The following CD2BP2 variants were observed in gnomAD, a reference collection of about 807,000 sequenced individuals.
CD2BP2 encodes CD2 antigen cytoplasmic tail-binding protein 2.
A neutral mutation model predicts 35.9 loss-of-function variants in CD2BP2; 27 were observed. That is an observed-to-expected ratio of 0.75 (90% CI 0.55 to 1.04). CD2BP2 has a LOEUF of 1.04. Among genes scored for constraint, CD2BP2 ranks in the 50% least tolerant of loss-of-function variants. The pLI is 0.00. For synonymous variants in CD2BP2, 213 were observed against 173.5 expected, an observed-to-expected ratio of 1.23 and a Z score of -1.79; for missense variants, 497 against 444.3, an observed-to-expected ratio of 1.12 and a Z score of -1.07.
intron 1 of CD2BP2, 81 bp from the exon 2 acceptor site, chr16:30,354,788 G>A (rs540718577): frequency 1.0e-6 from 1 of 998,530 alleles, no homozygotes; most frequent in Admixed American, 1.7e-5. Context: ...ATTTTTCCTG[G>A]TCTGTGACAG....
Position 30,352,793 on chromosome 16 carries a change from G to A in CD2BP2, c.*192C>T, listed in dbSNP as rs1261103785. 3 of 597,278 alleles carry A rather than the reference G, an allele frequency of 5.0e-6. No individual in the cohort carries two copies. The highest frequency in any genetic ancestry group is 8.9e-6 in the Non-Finnish European group (3 of 335,264). The allele number at this position is 597,278 out of a possible 1,614,324, so 37.0% of individuals were successfully genotyped here. A position where few individuals can be genotyped will look rare whatever the true frequency, so the allele number is the denominator to read the frequency against. On this transcript the variant is annotated 3_prime_UTR_variant, in exon 7 of 7. Transcript: ENST00000305596. ...ACTCAGGGACCAAGACAAGTCCAAA[G>A]GGACTGTGGAGAAGGCCCCTGGCTT...
Position 30,353,774 on chromosome 16 carries a change from G to C in CD2BP2, c.402C>G (p.Gly134=). 6.2e-7 allele frequency: 1 copy of C among 1,603,638 alleles called. No homozygotes were observed. The highest frequency in any genetic ancestry group is 8.5e-7 in the Non-Finnish European group (1 of 1,174,968). ...DWVKIRERPP[G]QRQASDSEEE... ...CCTCCGAGTCTGAGGCCTGGCGCTG[G>C]CCAGGTGGCCGCTCCCGGATCTTCA... The change falls in exon 5 of 7, where the codon GGC becomes GGG. Residue 134 remains glycine (G), a synonymous_variant. Coordinates refer to ENST00000305596, the MANE Select transcript of CD2BP2 (RefSeq NM_006110.3).
Position 30,352,996 on chromosome 16 carries a change from G to A in CD2BP2, c.1015C>T (p.Leu339Phe). 1 of 1,610,960 alleles carries A rather than the reference G, an allele frequency of 6.2e-7. No homozygotes were observed. The highest frequency in any genetic ancestry group is 8.5e-7 in the Non-Finnish European group (1 of 1,177,144). The change falls in exon 7 of 7, where the codon CTC (leucine) becomes TTC (phenylalanine). Residue 339 changes from leucine (L) to phenylalanine (F), a missense_variant. By Grantham distance (22) the Leu-to-Phe change is conservative. Transcript: ENST00000305596. ...GGCCCCCAGCAGGCTCAGGTGTAGAGGTCAAAGTCAATGCGTTTGGAGTTG... is the reference window on the plus strand; with the variant it reads ...GGCCCCCAGCAGGCTCAGGTGTAGAAGTCAAAGTCAATGCGTTTGGAGTTG... ...FYNSKRIDFD[L>F]YT
rs776922285 is a variant in CD2BP2, at chr16:30,353,566, C to G, written c.610G>C (p.Gly204Arg). ...CGGGCCACCATCTGGTCGGCCAACC[C>G]GGAGAGCCGGTCCAGGCGCTGAGGG... ...SSPQRLDRLSGLADQMVARGN... is the reference protein window; with the variant it reads ...SSPQRLDRLSRLADQMVARGN... Residue 204 changes from glycine to arginine, a missense_variant, in exon 5 of 7, where the codon GGG becomes CGG. Transcript: ENST00000305596. 14 of 1,614,174 alleles carry G rather than the reference C, an allele frequency of 8.7e-6. No homozygotes were observed. The highest frequency in any genetic ancestry group is 1.2e-5 in the Non-Finnish European group (14 of 1,180,008).
At position 30,354,596 on chromosome 16, in the gene CD2BP2, C is replaced by G; in HGVS notation, c.78+8G>C. ...TTTCCCCCACACAAAGCAGTCTGGC[C>G]CCCTCACCTTCTTCTTGGGGACAAT... On this transcript the variant is annotated splice_region_variant and intron_variant, in intron 2 of 6. Transcript: ENST00000305596. The G allele has an allele frequency of 6.2e-7, 1 of 1,613,310 alleles. No homozygotes were observed. Among genetic ancestry groups the G allele is most frequent in the African/African-American group, 1.3e-5 (1 of 74,986 alleles).
At chr16:30,354,773 C>G in intron 1 of CD2BP2, 66 bp from the exon 2 acceptor site, 1 of 1,112,678 alleles carries the variant, frequency 9.0e-7, no homozygotes, top group South Asian at 1.2e-5. Flanking sequence ...CGCAGCACAG[C>G]AAACATTTTT....
rs1316100223 is a variant in CD2BP2, at chr16:30,353,619, C to T, written c.557G>A (p.Gly186Glu). 1 of 1,613,880 alleles carries T rather than the reference C, an allele frequency of 6.2e-7. No homozygotes were observed. Among genetic ancestry groups the T allele is most frequent in the Non-Finnish European group, 8.5e-7 (1 of 1,179,890 alleles). Residue 186 changes from glycine to glutamate, a missense_variant, in exon 5 of 7, where the codon GGG becomes GAG. Coordinates refer to ENST00000305596, the MANE Select transcript of CD2BP2 (RefSeq NM_006110.3). ...ACTGGGTTGCCCAGGCCCCTTTCTC[C>T]CTTTGCCTCCTCCTCGGGCCCCCAG... ...RRLGARGGGKGRKGPGQPSSP... is the reference protein window; with the variant it reads ...RRLGARGGGKERKGPGQPSSP...
In CD2BP2 at chr16:30,351,792, G is replaced by GCT. The variant is rs1289877906; in HGVS notation, c.*1191_*1192dup. ...TAAACCATGGGGATCTGACTCAGGG[G>GCT]CTCTCTCTCGGCCTGGCTGCAAGCT... On this transcript the variant is annotated 3_prime_UTR_variant, in exon 7 of 7. Coordinates refer to ENST00000305596, the MANE Select transcript of CD2BP2 (RefSeq NM_006110.3). The GCT allele has an allele frequency of 4.6e-5, 7 of 152,782 alleles. No homozygotes were observed. The highest frequency in any genetic ancestry group is 1.4e-4 in the African/African-American group (6 of 41,560). 9.5% of individuals were successfully genotyped at this position (152,782 alleles called of 1,614,324 possible).
chr16:30,355,036 A>G, intron 1 of CD2BP2, 176 bp downstream of exon 1: 1 of 265,730 alleles, frequency 3.8e-6, no homozygotes, highest in Non-Finnish European at 7.4e-6. Context: ...CCCGCTCTCT[A>G]CCCTGGCTCT....
chr16:30,354,490 T>C, intron 2 of CD2BP2, 114 bp downstream of exon 2: 2 of 1,400,574 alleles, frequency 1.4e-6, no homozygotes, highest in Admixed American at 3.7e-5. Flanking sequence ...TCAGAGAACC[T>C]GAAAAAACTA....
chr16:30,353,313 G>C, intron 5 of CD2BP2, 26 bp from the exon 6 acceptor site: 2 of 1,613,238 alleles, frequency 1.2e-6, no homozygotes, highest in South Asian at 2.2e-5. Flanking sequence ...AAGCCATTTG[G>C]CCTCCAGTGT....
chr16:30,353,496 A>G lies in CD2BP2; in HGVS notation c.680T>C (p.Met227Thr). Residue 227 changes from methionine (M) to threonine (T), a missense_variant, in exon 5 of 7, where the codon ATG (methionine) becomes ACG (threonine). Met to Thr is a moderately conservative substitution (Grantham distance 81). Coordinates refer to ENST00000305596, the MANE Select transcript of CD2BP2 (RefSeq NM_006110.3). The part of the protein sequence containing the change: ...VYQETRERLA[M>T]RLKGLGCQTL... ...CTGACACCCCAAACCCTTCAGACGC[A>G]TAGCCAACCGTTCCCTTGTTTCCTG... 3 of 1,614,154 alleles carry G rather than the reference A, an allele frequency of 1.9e-6. No homozygotes were observed. The highest frequency in any genetic ancestry group is 2.5e-6 in the Non-Finnish European group (3 of 1,180,008).
Position 30,353,227 on chromosome 16 carries a change from G to T in CD2BP2, c.869C>A (p.Thr290Lys). ...DVMWEYKWEN[T>K]GDAELYGPFT... ...GGGCCCATACAGCTCGGCATCCCCC[G>T]TGTTCTCCCACTTATATTCCCACAT... The change falls in exon 6 of 7, where the codon ACG becomes AAG. Residue 290 changes from threonine (T) to lysine (K), a missense_variant. Coordinates refer to ENST00000305596, the MANE Select transcript of CD2BP2 (RefSeq NM_006110.3). The T allele has an allele frequency of 6.2e-7, 1 of 1,614,132 alleles. No individual in the cohort carries two copies. Among genetic ancestry groups the T allele is most frequent in the Non-Finnish European group, 8.5e-7 (1 of 1,180,004 alleles).
At position 30,353,023 on chromosome 16, in the gene CD2BP2, A is replaced by T. The variant is rs1218469143; in HGVS notation, c.988T>A (p.Tyr330Asn). 1 of 1,613,990 alleles carries T rather than the reference A, an allele frequency of 6.2e-7. No individual in the cohort carries two copies. Among genetic ancestry groups the T allele is most frequent in the South Asian group, 1.1e-5 (1 of 91,076 alleles). Residue 330 changes from tyrosine to asparagine, a missense_variant, in exon 7 of 7, where the codon TAC (tyrosine) becomes AAC (asparagine). Transcript: ENST00000305596. ...RKLDPPGGQF[Y>N]NSKRIDFDLY... ...TCAAAGTCAATGCGTTTGGAGTTGT[A>T]GAACTGACCACCAGGGGGGTCCAGC...
At position 30,353,301 on chromosome 16, in the gene CD2BP2, CA is replaced by C. The variant is rs2049499866; in HGVS notation, c.809-15del. The C allele has an allele frequency of 6.2e-7, 1 of 1,613,872 alleles. No homozygotes were observed. Among genetic ancestry groups the C allele is most frequent in the African/African-American group, 1.3e-5 (1 of 74,912 alleles). On this transcript the variant is annotated splice_polypyrimidine_tract_variant and intron_variant, in intron 5 of 6. Coordinates refer to ENST00000305596, the MANE Select transcript of CD2BP2 (RefSeq NM_006110.3). ...GCGACTCTGCTTCTAAAATAACAGG[CA>C]AAGCCATTTGGCCTCCAGTGTCTCA... is the stretch of plus-strand genomic sequence containing the variant.
rs766956859 is a variant in CD2BP2, at chr16:30,353,587, G to A, written c.589C>T (p.Gln197Ter). Residue 197 changes from glutamine to a stop codon, truncating the protein, a stop_gained, in exon 5 of 7, where the codon CAG becomes TAG. Coordinates refer to ENST00000305596, the MANE Select transcript of CD2BP2 (RefSeq NM_006110.3). LOFTEE classifies it high-confidence loss of function. The part of the protein sequence containing the change: ...RKGPGQPSSP[Q>*]RLDRLSGLAD... ...AACCCGGAGAGCCGGTCCAGGCGCT[G>A]AGGGGAACTGGGTTGCCCAGGCCCC... 6.2e-7 allele frequency: 1 copy of A among 1,614,088 alleles called. No individual in the cohort carries two copies. The highest frequency in any genetic ancestry group is 8.5e-7 in the Non-Finnish European group (1 of 1,179,968).
At chr16:30,354,135 A>T in intron 3 of CD2BP2, 49 bp downstream of exon 3, 1 of 1,613,038 alleles carries the variant, frequency 6.2e-7, no homozygotes, top group Non-Finnish European at 8.5e-7. Flanking sequence ...ACACCACCAG[A>T]GGCCCCTACT....
intron 2 of CD2BP2, 92 bp downstream of exon 2, chr16:30,354,512 G>A: frequency 6.8e-7 from 1 of 1,464,448 alleles, no homozygotes; most frequent in Non-Finnish European, 9.5e-7. Flanking sequence ...GCTTTTCTCT[G>A]CCTGCCCGCC....
chr16:30,354,786 T>G, intron 1 of CD2BP2, 79 bp from the exon 2 acceptor site: 2 of 1,036,086 alleles, frequency 1.9e-6, no homozygotes, highest in Non-Finnish European at 3.0e-6. Flanking sequence ...ACATTTTTCC[T>G]GGTCTGTGAC....
Sources: gnomAD v4.1 joint callset for allele counts on GRCh38, gnomAD v4.1.1 for gene constraint, MANE v1.5 for transcripts, NCBI Gene and HGNC (gene_info 2026-07-23, HGNC 2026-07-21) for gene names.